ZFYVE9: variants seen among roughly 807,000 people sequenced by gnomAD.
The protein encoded by ZFYVE9 is zinc finger FYVE domain-containing protein 9.
Under a neutral mutation model 126.7 loss-of-function variants are expected in ZFYVE9, and 43 were observed. That is an observed-to-expected ratio of 0.34 (90% CI 0.27 to 0.44). The LOEUF (loss-of-function observed/expected upper bound fraction) is 0.44, where lower values mean the gene tolerates loss of function less well. ZFYVE9 is among the 20% of genes least tolerant of loss of function. The pLI, the probability that ZFYVE9 is intolerant of heterozygous loss-of-function variation, is 1.00. For missense variants in ZFYVE9, 1,476 were observed against 1,697.0 expected (o/e 0.87, Z 2.29); for synonymous variants, 521 against 597.4 (o/e 0.87, Z 1.87).
At chr1:52,203,842 C>T (rs1644948627) in intron 1 of ZFYVE9, among the ~76,000 whole-genome samples, 2 of 152,052 alleles carry the variant, frequency 1.3e-5, no homozygotes, top group Admixed American at 6.5e-5. Flanking sequence ...GTCCTGTCTC[C>T]TAAATAAGCC....
At chr1:52,321,811 C>G (rs1646242961) in intron 13 of ZFYVE9, among the ~76,000 whole-genome samples, 1 of 152,192 alleles carries the variant, frequency 6.6e-6, no homozygotes, top group Non-Finnish European at 1.5e-5. Context: ...AATTTAATTT[C>G]TATCTCTGTA....
At chr1:52,266,405 T>TAAAAAAAAAAAAAAAAAAAAAAA (rs33996604) in intron 5 of ZFYVE9, among the ~76,000 whole-genome samples, 1 of 85,628 alleles carries the variant, frequency 1.2e-5, no homozygotes, top group African/African-American at 4.8e-5. Context: ...TCTAATTCTT[T>TAAAAAAAAAAAAAAAAAAAAAAA]AAAAAAAAAA....
At position 52,289,245 on chromosome 1, in the gene ZFYVE9, T is replaced by G. The variant is rs532204534; in HGVS notation, c.3026-4208T>G. Among the ~76,000 whole-genome samples, 67 of 152,334 alleles carry G rather than the reference T, an allele frequency of 4.4e-4. No homozygotes were observed. In the South Asian group the frequency reaches 8.3e-3, roughly 19 times the overall value. ...ATTGAAAGATCTGCTTTCTGCTTTC[T>G]AGGTTTTACTTTGCCACTTATTTAC... On this transcript the variant is annotated intron_variant, in intron 10 of 18. Transcript: ENST00000287727.
chr1:52,251,212 C>T (rs1290292159), intron 4 of ZFYVE9, among the ~76,000 whole-genome samples: 1 of 152,122 alleles, frequency 6.6e-6, no homozygotes, highest in Admixed American at 6.6e-5. Context: ...GTTGGGATTA[C>T]AGGCACATGC....
intron 13 of ZFYVE9, 33 bp from the exon 14 acceptor site, chr1:52,332,735 C>T: frequency 6.3e-7 from 1 of 1,597,584 alleles, no homozygotes. Context: ...AATGCCCATT[C>T]TTGTCAGAAT....
chr1:52,222,664 A>G (rs553955230), intron 2 of ZFYVE9, among the ~76,000 whole-genome samples: 43 of 152,198 alleles, frequency 2.8e-4, no homozygotes, highest in Non-Finnish European at 5.7e-4. Flanking sequence ...CCAAGGGAAT[A>G]GGGTATTGTT....
chr1:52,308,371 G>T (rs983256045), intron 13 of ZFYVE9, among the ~76,000 whole-genome samples: 3 of 151,974 alleles, frequency 2.0e-5, no homozygotes, highest in African/African-American at 7.3e-5. Flanking sequence ...TTGTTTTGTA[G>T]AGAGAGGATT....
intron 1 of ZFYVE9, among the ~76,000 whole-genome samples, chr1:52,175,619 C>T (rs1225624005): frequency 1.3e-5 from 2 of 151,884 alleles, no homozygotes; most frequent in Non-Finnish European, 2.9e-5. Context: ...TGGTTCCATT[C>T]TCCCCGTCAC....
Position 52,238,272 on chromosome 1 carries a change from G to T in ZFYVE9, c.855G>T (p.Glu285Asp), listed in dbSNP as rs1645295719. ...TDGCPAVKKQ[E>D]NYIPDEDLTG... ...GATGTCCTGCTGTTAAAAAGCAAGA[G>T]AACTATATACCAGATGAGGACCTCA... The change falls in exon 4 of 19, where the codon GAG becomes GAT. Residue 285 changes from glutamate to aspartate, a missense_variant. Glu to Asp is a conservative substitution (Grantham distance 45). This residue lies in a region of ZFYVE9 where 807 missense variants were observed against 794.6 expected (regional missense o/e 1.02). Coordinates refer to ENST00000287727, the MANE Select transcript of ZFYVE9 (RefSeq NM_004799.4). 2 of 1,613,934 alleles carry T rather than the reference G, an allele frequency of 1.2e-6. No individual in the cohort carries two copies. Among genetic ancestry groups the T allele is most frequent in the Non-Finnish European group, 8.5e-7 (1 of 1,179,966 alleles).
chr1:52,332,121 A>G (rs1646348189), intron 13 of ZFYVE9, among the ~76,000 whole-genome samples: 1 of 152,032 alleles, frequency 6.6e-6, no homozygotes, highest in Non-Finnish European at 1.5e-5. Flanking sequence ...ATGATCATTA[A>G]CCTGTTTCAG....
At chr1:52,303,182 A>G (rs556866394) in intron 12 of ZFYVE9, among the ~76,000 whole-genome samples, 3 of 152,256 alleles carry the variant, frequency 2.0e-5, no homozygotes, top group East Asian at 1.9e-4. Context: ...TTTTTATGGT[A>G]TTTATCTGAT....
chr1:52,212,477 A>G (rs1156904740), intron 1 of ZFYVE9, among the ~76,000 whole-genome samples: 1 of 152,190 alleles, frequency 6.6e-6, no homozygotes, highest in African/African-American at 2.4e-5. Flanking sequence ...TATTTCAGTT[A>G]AGATTATGAA....
intron 10 of ZFYVE9, among the ~76,000 whole-genome samples, chr1:52,282,226 T>C (rs745792240): frequency 9.2e-5 from 14 of 152,112 alleles, no homozygotes; most frequent in Non-Finnish European, 1.2e-4. Flanking sequence ...GACTATGGCT[T>C]CAAAATAAAT....
In ZFYVE9 at chr1:52,240,975, TA is replaced by T. The variant is rs1417942227; in HGVS notation, c.2178+1382del. ...GGGAAGTAGTGATATGTAGGATGAG[TA>T]AGTCTAGACGTCTAATGTACTACAT... is the stretch of plus-strand genomic sequence containing the variant. On this transcript the variant is annotated intron_variant, in intron 4 of 18. Transcript: ENST00000287727. Among the ~76,000 whole-genome samples the T allele has an allele frequency of 2.6e-5, 4 of 152,110 alleles. No individual in the cohort carries two copies. In the East Asian group the frequency reaches 5.8e-4, roughly 22 times the overall value.
chr1:52,266,332 C>T (rs1327792024), intron 5 of ZFYVE9, among the ~76,000 whole-genome samples: 1 of 147,312 alleles, frequency 6.8e-6, no homozygotes, highest in Non-Finnish European at 1.5e-5. Flanking sequence ...TTCCTGACCT[C>T]GTGATCCACC....
intron 7 of ZFYVE9, among the ~76,000 whole-genome samples, chr1:52,269,309 T>C (rs930899360): frequency 6.6e-6 from 1 of 151,980 alleles, no homozygotes; most frequent in Non-Finnish European, 1.5e-5. Flanking sequence ...TTTGTATTTT[T>C]AGTAGAGACA....
chr1:52,144,758 CCT>C (rs1478213318), intron 1 of ZFYVE9, among the ~76,000 whole-genome samples: 1 of 151,880 alleles, frequency 6.6e-6, no homozygotes, highest in Non-Finnish European at 1.5e-5. Flanking sequence ...TTATTGAGAG[CCT>C]CCTGTGATAG....
intron 16 of ZFYVE9, among the ~76,000 whole-genome samples, chr1:52,339,473 T>C (rs1003452705): frequency 1.3e-5 from 2 of 152,110 alleles, no homozygotes; most frequent in African/African-American, 4.8e-5. Flanking sequence ...GTGTTTTTAG[T>C]AGAGGTAGGG....
At chr1:52,297,967 G>T (rs1645994790) in intron 12 of ZFYVE9, among the ~76,000 whole-genome samples, 1 of 152,130 alleles carries the variant, frequency 6.6e-6, no homozygotes, top group Non-Finnish European at 1.5e-5. Context: ...ACCCACCTCA[G>T]CCTCCCAAAG....
Sources: allele counts gnomAD v4.1 joint callset (sites outside exome capture counted in the v4.1 genomes callset), GRCh38; gene constraint gnomAD v4.1.1; regional missense constraint gnomAD v4.1.1; transcripts MANE v1.5; gene names NCBI Gene and HGNC (gene_info 2026-07-23, HGNC 2026-07-21).